KLRF1: variants seen among roughly 807,000 people sequenced by gnomAD.
KLRF1 encodes killer cell lectin like receptor F1, also known as killer cell lectin-like receptor subfamily F member 1.
KLRF1 carries 27 observed loss-of-function variants against 30.7 expected under a neutral mutation model. That is an observed-to-expected ratio of 0.88 (90% CI 0.65 to 1.21). The LOEUF is 1.21. Ranked by LOEUF, KLRF1 falls within the 50% of genes most tolerant of loss-of-function variation. The pLI is 0.00. For synonymous variants in KLRF1, 92 were observed against 89.3 expected (o/e 1.03, Z -0.17); for missense variants, 246 against 259.3 (o/e 0.95, Z 0.35).
At chr12:9,804,410 T>G in the KLRF1 span, among the ~76,000 whole-genome samples, 1 of 152,038 alleles carries the variant, frequency 6.6e-6, no homozygotes, top group African/African-American at 2.4e-5. Context: ...TTTGATAGTA[T>G]TATGTTAAGC....
upstream of KLRF1, among the ~76,000 whole-genome samples, chr12:9,826,477 C>T (rs1433032249): frequency 2.0e-5 from 3 of 152,066 alleles, no homozygotes; most frequent in Non-Finnish European, 4.4e-5. Context: ...CATGGTGATT[C>T]CTTAAAGACC....
upstream of KLRF1, among the ~76,000 whole-genome samples, chr12:9,824,640 AAGGG>A (rs555063149): frequency 1.0e-3 from 156 of 152,294 alleles, 1 homozygote; most frequent in Admixed American, 1.4e-3. Flanking sequence ...GAAAGAAATG[AAGGG>A]CATCCAAATA....
At chr12:9,827,256 A>G (rs1867302359), upstream of KLRF1, among the ~76,000 whole-genome samples, 1 of 152,234 alleles carries the variant, frequency 6.6e-6, no homozygotes, top group Admixed American at 6.5e-5. Flanking sequence ...CTTTAAGGGT[A>G]AATTAAGAGA....
intron 1 of KLRF1, 125 bp from the exon 2 acceptor site, chr12:9,832,191 T>C: frequency 1.9e-6 from 1 of 537,734 alleles, no homozygotes; most frequent in Non-Finnish European, 3.3e-6. Flanking sequence ...CCTTCATGCT[T>C]TTGATTGCCT....
intron 3 of KLRF1, among the ~76,000 whole-genome samples, chr12:9,833,727 T>C (rs2121210372): frequency 6.6e-6 from 1 of 152,262 alleles, no homozygotes; most frequent in South Asian, 2.1e-4. Context: ...AAGCAGTATG[T>C]AAATAGCCAT....
the KLRF1 span, among the ~76,000 whole-genome samples, chr12:9,820,205 G>A: frequency 2.0e-5 from 3 of 152,250 alleles, no homozygotes; most frequent in Non-Finnish European, 4.4e-5. Context: ...CAGTGGGAGA[G>A]GCAGGCTGCC....
the KLRF1 span, among the ~76,000 whole-genome samples, chr12:9,818,880 A>G: frequency 6.6e-6 from 1 of 152,220 alleles, no homozygotes; most frequent in Non-Finnish European, 1.5e-5. Flanking sequence ...AGAAGGGGCT[A>G]GTAAATACAG....
chr12:9,822,672 T>G (rs1867239894), upstream of KLRF1, among the ~76,000 whole-genome samples: 1 of 151,884 alleles, frequency 6.6e-6, no homozygotes, highest in Non-Finnish European at 1.5e-5. Context: ...AGGTGCAGAG[T>G]GGCAAGCTGG....
chr12:9,840,477 C>T (rs1163125264), intron 3 of KLRF1, among the ~76,000 whole-genome samples: 2 of 151,860 alleles, frequency 1.3e-5, no homozygotes, highest in Admixed American at 6.6e-5. Context: ...AATACTATGC[C>T]AAAAATCTCG....
intron 1 of KLRF1, among the ~76,000 whole-genome samples, chr12:9,830,839 T>A (rs1343710278): frequency 6.6e-6 from 1 of 152,056 alleles, no homozygotes; most frequent in Non-Finnish European, 1.5e-5. Context: ...TTTGGGTGGT[T>A]AAAAGGCTTG....
Position 9,844,532 on chromosome 12 carries a change from G to T in KLRF1, c.*6G>T. The stretch of plus-strand genomic sequence containing the variant: ...AATGGATTTGTCAGTATTAGAGTTT[G>T]ACAAAATTCACAGTGAAATAATCAA... On this transcript the variant is annotated 3_prime_UTR_variant, in exon 6 of 6. Transcript: ENST00000617889. 1 of 1,465,820 alleles carries T rather than the reference G, an allele frequency of 6.8e-7. No individual in the cohort carries two copies. The highest frequency in any genetic ancestry group is 1.2e-5 in the South Asian group (1 of 86,390). The allele number at this position is 1,465,820 out of a possible 1,614,324, so 90.8% of individuals were successfully genotyped here.
the KLRF1 span, among the ~76,000 whole-genome samples, chr12:9,811,652 T>G: frequency 6.6e-6 from 1 of 152,104 alleles, no homozygotes; most frequent in Non-Finnish European, 1.5e-5. Context: ...CAAAAGACCA[T>G]GAGATCCACA....
intron 5 of KLRF1, among the ~76,000 whole-genome samples, chr12:9,844,024 T>C (rs1049897248): frequency 2.0e-5 from 3 of 152,176 alleles, no homozygotes; most frequent in African/African-American, 7.2e-5. Context: ...CCTCAATTCA[T>C]ATAACTGCTA....
upstream of KLRF1, among the ~76,000 whole-genome samples, chr12:9,826,421 C>T (rs1053014695): frequency 2.0e-5 from 3 of 152,192 alleles, no homozygotes; most frequent in Non-Finnish European, 4.4e-5. Context: ...TTCACTTATA[C>T]ACCTTTGATG....
At chr12:9,818,764 C>T in the KLRF1 span, among the ~76,000 whole-genome samples, 5 of 152,158 alleles carry the variant, frequency 3.3e-5, no homozygotes, top group South Asian at 1.0e-3. Flanking sequence ...TCTTAGAATG[C>T]CAAAAAAATT....
At chr12:9,837,345 T>C (rs1490827653) in intron 3 of KLRF1, among the ~76,000 whole-genome samples, 1 of 151,584 alleles carries the variant, frequency 6.6e-6, no homozygotes, top group Non-Finnish European at 1.5e-5. Context: ...TACTTATATG[T>C]ATCTCTATAT....
upstream of KLRF1, among the ~76,000 whole-genome samples, chr12:9,827,138 T>C (rs1050696023): frequency 1.3e-5 from 2 of 152,190 alleles, no homozygotes; most frequent in African/African-American, 4.8e-5. Context: ...TAAATATCAA[T>C]ATGTTAGGGA....
intron 4 of KLRF1, 37 bp downstream of exon 4, chr12:9,841,988 A>C: frequency 6.4e-7 from 1 of 1,566,222 alleles, no homozygotes; most frequent in Non-Finnish European, 8.6e-7. Context: ...GCATCTTTGC[A>C]GTAAAAAATG....
At chr12:9,804,505 T>C in the KLRF1 span, among the ~76,000 whole-genome samples, 1 of 152,078 alleles carries the variant, frequency 6.6e-6, no homozygotes, top group South Asian at 2.1e-4. Context: ...CTAAAGAAAC[T>C]ATTTCTAAAA....
Sources: allele counts gnomAD v4.1 joint callset (sites outside exome capture counted in the v4.1 genomes callset), GRCh38; gene constraint gnomAD v4.1.1; transcripts MANE v1.5; gene names NCBI Gene and HGNC (gene_info 2026-07-23, HGNC 2026-07-21).